The following TSHZ2 variants were observed in gnomAD, a reference collection of about 807,000 sequenced individuals.
TSHZ2 encodes teashirt zinc finger homeobox 2.
A neutral mutation model predicts 74.4 loss-of-function variants in TSHZ2; 21 were observed. The observed-to-expected ratio is 0.28, with a 90% confidence interval of 0.20 to 0.41. The LOEUF (loss-of-function observed/expected upper bound fraction) is 0.41. Ranked by LOEUF, TSHZ2 falls within the 10% of genes least tolerant of loss-of-function variation. TSHZ2 has a pLI of 1.00. For synonymous variants in TSHZ2, 540 were observed against 515.3 expected (o/e 1.05, Z -0.65); for missense variants, 1,244 against 1,293.5 (o/e 0.96, Z 0.59).
intron 1 of TSHZ2, among the ~76,000 whole-genome samples, chr20:53,061,379 T>C (rs1358557501): frequency 6.6e-6 from 1 of 152,174 alleles, no homozygotes; most frequent in African/African-American, 2.4e-5. Context: ...GCATTTGAAC[T>C]TCTGCCCAGT....
At chr20:53,230,045 A>AAGGG (rs1272079575) in intron 1 of TSHZ2, among the ~76,000 whole-genome samples, 1 of 94,002 alleles carries the variant, frequency 1.1e-5, no homozygotes, top group African/African-American at 4.2e-5. Context: ...GGAAAGAAGG[A>AAGGG]AGGGAGGGAG....
chr20:53,205,992 G>C (rs981994110), intron 1 of TSHZ2, among the ~76,000 whole-genome samples: 5 of 152,152 alleles, frequency 3.3e-5, no homozygotes, highest in Non-Finnish European at 7.3e-5. Context: ...AGGCCAAGGC[G>C]GGTGGATCAC....
At chr20:53,000,027 T>C (rs1446296306) in intron 1 of TSHZ2, among the ~76,000 whole-genome samples, 13 of 152,238 alleles carry the variant, frequency 8.5e-5, no homozygotes, top group Non-Finnish European at 5.9e-5. Context: ...TAAACACTTA[T>C]GATGTCCAAA....
intron 1 of TSHZ2, among the ~76,000 whole-genome samples, chr20:53,019,098 A>G (rs1287553182): frequency 4.6e-5 from 7 of 152,206 alleles, no homozygotes; most frequent in Non-Finnish European, 8.8e-5. Flanking sequence ...TGTAATTGTA[A>G]GCAAAATGTG....
intron 2 of TSHZ2, among the ~76,000 whole-genome samples, chr20:53,322,202 A>G (rs534846440): frequency 1.3e-5 from 2 of 152,310 alleles, no homozygotes; most frequent in Non-Finnish European, 2.9e-5. Flanking sequence ...TACAAGGCAG[A>G]GGACAGTGAT....
chr20:53,348,404 T>C (rs1980521870), intron 2 of TSHZ2, among the ~76,000 whole-genome samples: 1 of 152,094 alleles, frequency 6.6e-6, no homozygotes, highest in South Asian at 2.1e-4. Context: ...TAGTAGGTGC[T>C]CAGTAAATAC....
intron 2 of TSHZ2, among the ~76,000 whole-genome samples, chr20:53,298,947 C>T (rs1991430518): frequency 6.6e-6 from 1 of 152,220 alleles, no homozygotes; most frequent in East Asian, 1.9e-4. Flanking sequence ...GTGTGAGCCT[C>T]TGTCCCAAAA....
intron 1 of TSHZ2, among the ~76,000 whole-genome samples, chr20:53,094,351 A>T (rs1207250142): frequency 6.6e-6 from 1 of 152,210 alleles, no homozygotes; most frequent in Non-Finnish European, 1.5e-5. Context: ...TGATTTACTT[A>T]AGGGCCCACT....
chr20:53,134,784 C>T (rs1987199576), intron 1 of TSHZ2, among the ~76,000 whole-genome samples: 1 of 152,162 alleles, frequency 6.6e-6, no homozygotes, highest in South Asian at 2.1e-4. Flanking sequence ...TCTTCTCCCT[C>T]TTTATGTACT....
intron 2 of TSHZ2, among the ~76,000 whole-genome samples, chr20:53,472,896 G>A (rs932128389): frequency 9.2e-5 from 14 of 152,238 alleles, no homozygotes; most frequent in South Asian, 2.1e-4. Context: ...AAGGGGTGAC[G>A]GACGGCACCT....
Position 53,255,752 on chromosome 20 carries a change from T to C in TSHZ2, c.2294T>C (p.Ile765Thr). 1 of 1,613,966 alleles carries C rather than the reference T, an allele frequency of 6.2e-7. No individual in the cohort carries two copies. Residue 765 changes from isoleucine (I) to threonine (T), a missense_variant, in exon 2 of 3, where the codon ATT (isoleucine) becomes ACT (threonine). Ile to Thr is a moderately conservative substitution (Grantham distance 89). Around this residue, in one of 6 missense-constraint regions of TSHZ2, gnomAD observed 562 missense variants for 544.0 expected, o/e 1.03. Transcript: ENST00000371497. This position sits in a 1 kb window ranked among gnomAD's most constrained non-coding sequence, Gnocchi z 4.1. ...RYLFENSDQP[I>T]DLTKSKSKKA... Reference sequence around the variant, plus strand: ...CTGTTTGAGAACAGCGATCAGCCCATTGACCTGACCAAGTCCAAAAGCAAG... The same window carrying C: ...CTGTTTGAGAACAGCGATCAGCCCACTGACCTGACCAAGTCCAAAAGCAAG...
rs199998393 is a variant in TSHZ2, at chr20:53,073,358, GTCCC to G, written c.40+100041_40+100044del. On this transcript the variant is annotated intron_variant, in intron 1 of 2. Transcript: ENST00000371497. The stretch of plus-strand genomic sequence containing the variant: ...CATCCATCCCTCCATTCCTTCATCT[GTCCC>G]TCCCTCCCTCCCTCCATCCATTCAT... 7.3e-4 allele frequency among the ~76,000 whole-genome samples: 81 copies of G among 110,886 alleles called. No individual in the cohort carries two copies. In the South Asian group the frequency reaches 0.018, roughly 25 times the overall value. 72.7% of individuals were successfully genotyped at this position (110,886 alleles called of 152,430 possible). A position where few individuals can be genotyped will look rare whatever the true frequency, so the allele number is the denominator to read the frequency against.
At chr20:53,446,136 A>T (rs1324760727) in intron 2 of TSHZ2, among the ~76,000 whole-genome samples, 2 of 152,134 alleles carry the variant, frequency 1.3e-5, no homozygotes, top group Non-Finnish European at 2.9e-5. Flanking sequence ...CTCCAAGCAG[A>T]TGTGATGCAG....
chr20:53,208,390 C>T (rs1989224179), intron 1 of TSHZ2, among the ~76,000 whole-genome samples: 1 of 152,160 alleles, frequency 6.6e-6, no homozygotes, highest in Non-Finnish European at 1.5e-5. Flanking sequence ...TGCCCTGTGC[C>T]AGGCATCAGC....
intron 1 of TSHZ2, among the ~76,000 whole-genome samples, chr20:53,112,969 C>A (rs1157308969): frequency 6.6e-6 from 1 of 152,160 alleles, no homozygotes; most frequent in African/African-American, 2.4e-5. Flanking sequence ...AAGGACAGGG[C>A]AAGGGTGGAA....
At chr20:53,216,613 C>T (rs1036062158) in intron 1 of TSHZ2, among the ~76,000 whole-genome samples, 2 of 152,252 alleles carry the variant, frequency 1.3e-5, no homozygotes, top group Admixed American at 6.5e-5. Flanking sequence ...TGAAAAGCTC[C>T]TTGCACTGAG....
intron 1 of TSHZ2, among the ~76,000 whole-genome samples, chr20:53,007,296 G>A (rs760191995): frequency 1.3e-5 from 2 of 152,190 alleles, no homozygotes; most frequent in Non-Finnish European, 2.9e-5. Context: ...AGGTTGGCAC[G>A]ATCGGCTCCA....
At chr20:53,160,745 C>CAA (rs10653039) in intron 1 of TSHZ2, among the ~76,000 whole-genome samples, 33,659 of 95,312 alleles carry the variant, frequency 0.35, 5,152 homozygotes, top group East Asian at 0.52. Context: ...ACTCTGTCTC[C>CAA]AAAAAAAAAA....
chr20:53,062,560 C>T (rs1181542057), intron 1 of TSHZ2, among the ~76,000 whole-genome samples: 11 of 152,132 alleles, frequency 7.2e-5, no homozygotes. Flanking sequence ...TTCAACTTTT[C>T]CTCTGCAGCT....
Sources: allele counts gnomAD v4.1 joint callset (sites outside exome capture counted in the v4.1 genomes callset), GRCh38; gene constraint gnomAD v4.1.1; regional missense constraint gnomAD v4.1.1; non-coding constraint Gnocchi (gnomAD v3.1); transcripts MANE v1.5; gene names NCBI Gene and HGNC (gene_info 2026-07-23, HGNC 2026-07-21).